KMT2C: variants seen among roughly 807,000 people sequenced by gnomAD.
The protein encoded by KMT2C is histone-lysine N-methyltransferase 2C.
A neutral mutation model predicts 507.9 loss-of-function variants in KMT2C; 88 were observed. The ratio of observed to expected loss-of-function variants is 0.17; its 90% CI spans 0.15 to 0.21. The LOEUF (loss-of-function observed/expected upper bound fraction) is 0.21. Among genes scored for constraint, KMT2C ranks in the 10% least tolerant of loss-of-function variants. KMT2C has a pLI of 1.00. For missense variants in KMT2C, 4,954 were observed against 5,957.8 expected (o/e 0.83, Z 5.55); for synonymous variants, 2,049 against 2,080.8 (o/e 0.98, Z 0.42).
chr7:152,394,778 T>A (rs765903246), intron 1 of KMT2C, among the ~76,000 whole-genome samples: 1 of 152,234 alleles, frequency 6.6e-6, no homozygotes, highest in Non-Finnish European at 1.5e-5. Context: ...TACTGCCTAA[T>A]ACATTTTAGG....
At chr7:152,251,203 T>C (rs933591627) in intron 11 of KMT2C, among the ~76,000 whole-genome samples, 1 of 152,142 alleles carries the variant, frequency 6.6e-6, no homozygotes, top group African/African-American at 2.4e-5. Context: ...TCCTAACACT[T>C]TGGGAGGCCA....
chr7:152,397,261 T>G (rs576467199), intron 1 of KMT2C, among the ~76,000 whole-genome samples: 127 of 151,988 alleles, frequency 8.4e-4, no homozygotes, highest in Non-Finnish European at 1.4e-3. Flanking sequence ...AGGGGCTTGA[T>G]GTCAGCTCAC....
chr7:152,331,455 A>T (rs920608035), intron 2 of KMT2C, among the ~76,000 whole-genome samples: 8 of 151,832 alleles, frequency 5.3e-5, no homozygotes, highest in Admixed American at 5.3e-4. Context: ...CATCTCTACA[A>T]AAAATTAGCT....
intron 7 of KMT2C, among the ~76,000 whole-genome samples, chr7:152,270,107 C>T (rs1220448440): frequency 2.6e-5 from 4 of 152,164 alleles, no homozygotes; most frequent in Admixed American, 2.0e-4. Context: ...CTATCATCTG[C>T]CAATTTTCAT....
chr7:152,181,748 T>G lies in KMT2C; in HGVS notation c.6112A>C (p.Ser2038Arg). Reference sequence around the variant, plus strand: ...GGAGTCTTAAAAGGTCCAGGACCACTATCAAGAGGTGCAGGTGTCAACAAG... The same window carrying G: ...GGAGTCTTAAAAGGTCCAGGACCACGATCAAGAGGTGCAGGTGTCAACAAG... Reference protein sequence around the residue: ...RPLLTPAPLDSGPGPFKTPMQ... With the variant: ...RPLLTPAPLDRGPGPFKTPMQ... Residue 2038 changes from serine (S) to arginine (R), a missense_variant, in exon 36 of 59, where the codon AGT becomes CGT. Ser to Arg is a moderately radical substitution (Grantham distance 110, BLOSUM62 -1). Transcript: ENST00000262189. The G allele has an allele frequency of 6.2e-7, 1 of 1,614,080 alleles. No individual in the cohort carries two copies. Among genetic ancestry groups the G allele is most frequent in the Non-Finnish European group, 8.5e-7 (1 of 1,180,012 alleles).
intron 1 of KMT2C, among the ~76,000 whole-genome samples, chr7:152,390,346 T>C (rs2097482341): frequency 6.6e-6 from 1 of 152,308 alleles, no homozygotes; most frequent in East Asian, 1.9e-4. Context: ...AAATAAAATA[T>C]TATGTTAAGA....
At chr7:152,420,500 G>A (rs975201890) in intron 1 of KMT2C, among the ~76,000 whole-genome samples, 1 of 152,166 alleles carries the variant, frequency 6.6e-6, no homozygotes, top group African/African-American at 2.4e-5. Context: ...AGAGTAAACA[G>A]ACAACCTACA....
intron 1 of KMT2C, among the ~76,000 whole-genome samples, chr7:152,394,516 T>A (rs56910218): frequency 0.2 from 25,930 of 132,108 alleles, 1,426 homozygotes; most frequent in Middle Eastern, 0.26. Flanking sequence ...TTCTTATTTC[T>A]TTTAAGATTC....
intron 1 of KMT2C, among the ~76,000 whole-genome samples, chr7:152,382,181 A>ATGT (rs2097380060): frequency 9.9e-5 from 15 of 152,180 alleles, no homozygotes; most frequent in Non-Finnish European, 1.5e-4. Context: ...TACATAAACA[A>ATGT]CCTTTCCAGA....
intron 2 of KMT2C, among the ~76,000 whole-genome samples, chr7:152,339,024 A>G (rs531035730): frequency 6.6e-6 from 1 of 152,352 alleles, no homozygotes; most frequent in Admixed American, 6.5e-5. Flanking sequence ...CAAAGGTTAA[A>G]TACTTCTTTG....
chr7:152,298,712 C>G lies in KMT2C; in HGVS notation c.849+11254G>C, dbSNP rs548880874. On this transcript the variant is annotated intron_variant, in intron 6 of 58. Transcript: ENST00000262189. ...CAATACGAAGGAATAAAGAGCACCA[C>G]AGTGGTAACTATATGAGCAAACATC... is the stretch of plus-strand genomic sequence containing the variant. 4.3e-4 allele frequency among the ~76,000 whole-genome samples: 66 copies of G among 152,234 alleles called. 1 individual carries two copies. Among genetic ancestry groups the G allele is most frequent in the Admixed American group, 1.9e-3 (29 of 15,300 alleles).
Position 152,159,011 on chromosome 7 carries a change from T to A in KMT2C, c.11522A>T (p.Asp3841Val), listed in dbSNP as rs139572807. The A allele has an allele frequency of 8.1e-6, 13 of 1,614,226 alleles. No individual in the cohort carries two copies. The African/African-American group carries it at 1.2e-4, about 15-fold the overall frequency. Residue 3841 changes from aspartate (D) to valine (V), a missense_variant, in exon 44 of 59, where the codon GAT (aspartate) becomes GTT (valine). Asp to Val is a radical substitution (Grantham distance 152). Around this residue, in one of 29 missense-constraint regions of KMT2C, gnomAD observed 801 missense variants for 751.2 expected, o/e 1.07. Coordinates refer to ENST00000262189, the MANE Select transcript of KMT2C (RefSeq NM_170606.3). The part of the protein sequence containing the change: ...FGCGNQLPKT[D>V]GGSETKKQRS... ...CTGTTTCTTGGTTTCACTTCCTCCA[T>A]CTGTTTTTGGCAACTGGTTGCCACA...
chr7:152,174,391 A>G (rs2093102754), intron 38 of KMT2C, 149 bp from the exon 39 acceptor site: 1 of 551,670 alleles, frequency 1.8e-6, no homozygotes, highest in African/African-American at 1.9e-5. Context: ...GTTTAATCGC[A>G]TCTCAGTAGT....
chr7:152,411,319 A>T (rs1337769025), intron 1 of KMT2C, among the ~76,000 whole-genome samples: 1 of 152,048 alleles, frequency 6.6e-6, no homozygotes, highest in Non-Finnish European at 1.5e-5. Context: ...ATCCTGCAAC[A>T]ATGTTTTCAG....
Position 152,179,988 on chromosome 7 carries a change from G to A in KMT2C, c.7288C>T (p.Gln2430Ter), listed in dbSNP as rs763552620. The change falls in exon 37 of 59, where the codon CAG (glutamine) becomes TAG (stop). Residue 2430 changes from glutamine to a stop codon, truncating the protein, a stop_gained. Coordinates refer to ENST00000262189, the MANE Select transcript of KMT2C (RefSeq NM_170606.3). LOFTEE classifies it high-confidence loss of function. ...GGAGGTGGGGGTCTGGTGAAAGCCT[G>A]GTTAACATTCTCTGGTTGCCAGTGT... The part of the protein sequence containing the change: ...LQHWQPENVN[Q>*]AFTRPPPPYP... The A allele has an allele frequency of 6.2e-7, 1 of 1,614,132 alleles. No homozygotes were observed. The highest frequency in any genetic ancestry group is 8.5e-7 in the Non-Finnish European group (1 of 1,180,026).
intron 3 of KMT2C, among the ~76,000 whole-genome samples, chr7:152,330,133 A>T (rs2096867355): frequency 9.4e-6 from 1 of 106,152 alleles, no homozygotes; most frequent in Non-Finnish European, 1.7e-5. Flanking sequence ...ACAGAGCAAG[A>T]CGCCATCTCA....
chr7:152,432,754 T>A (rs1354109032), intron 1 of KMT2C, among the ~76,000 whole-genome samples: 1 of 152,234 alleles, frequency 6.6e-6, no homozygotes, highest in Non-Finnish European at 1.5e-5. Flanking sequence ...AATGCTTTAT[T>A]TACCTAATTA....
At chr7:152,348,599 TAAAAAAAAAA>T (rs201530125) in intron 2 of KMT2C, among the ~76,000 whole-genome samples, 4 of 49,002 alleles carry the variant, frequency 8.2e-5, no homozygotes, top group South Asian at 1.5e-3. Context: ...AACTCTGTCT[TAAAAAAAAAA>T]AAAAAAAAAA....
At chr7:152,157,499 A>G (rs1289076122) in intron 44 of KMT2C, among the ~76,000 whole-genome samples, 1 of 152,224 alleles carries the variant, frequency 6.6e-6, no homozygotes, top group African/African-American at 2.4e-5. Flanking sequence ...AATAAAGGTT[A>G]TAAGGAAATA....
Sources: gnomAD v4.1 joint callset for allele counts (sites outside exome capture counted in the v4.1 genomes callset) on GRCh38, gnomAD v4.1.1 for gene constraint, gnomAD v4.1.1 regional missense constraint, MANE v1.5 for transcripts, NCBI Gene and HGNC (gene_info 2026-07-23, HGNC 2026-07-21) for gene names.